Variants in BACH2 observed in about 807,000 individuals in gnomAD.
The protein encoded by BACH2 is BACH transcriptional regulator 2, also known as transcription regulator protein BACH2.
Under a neutral mutation model 61.8 loss-of-function variants are expected in BACH2, and 5 were observed. That is an observed-to-expected ratio of 0.08 (90% CI 0.04 to 0.17). BACH2 has a LOEUF of 0.17. BACH2 is among the 10% of genes least tolerant of loss of function. The pLI is 1.00. For synonymous variants in BACH2, 446 were observed against 440.1 expected, an observed-to-expected ratio of 1.01 and a Z score of -0.17; for missense variants, 824 against 1,091.1, an observed-to-expected ratio of 0.76 and a Z score of 3.45.
intron 4 of BACH2, among the ~76,000 whole-genome samples, chr6:90,122,658 G>A (rs556495602): frequency 2.0e-5 from 3 of 152,302 alleles, no homozygotes; most frequent in African/African-American, 7.2e-5. Context: ...TGCATCCCAG[G>A]AGAGCCTGGG....
chr6:90,276,966 C>T lies in BACH2; in HGVS notation c.-445-5025G>A, dbSNP rs548286753. Among the ~76,000 whole-genome samples, 23 of 152,208 alleles carry T rather than the reference C, an allele frequency of 1.5e-4. No homozygotes were observed. The East Asian group carries it at 2.9e-3, about 19-fold the overall frequency. The stretch of plus-strand genomic sequence containing the variant: ...TCATCCTCCCTTGAAAAAATGTGTT[C>T]GGGCATTAAAATTCCTCTACCTTGG... On this transcript the variant is annotated intron_variant, in intron 1 of 8. Transcript: ENST00000257749.
intron 4 of BACH2, among the ~76,000 whole-genome samples, chr6:90,151,944 T>C (rs1374307558): frequency 6.6e-6 from 1 of 152,252 alleles, no homozygotes; most frequent in Admixed American, 6.5e-5. Flanking sequence ...AAAGCCTACA[T>C]TGAATTACTT....
intron 5 of BACH2, among the ~76,000 whole-genome samples, chr6:90,031,498 C>T (rs920909762): frequency 6.6e-5 from 10 of 150,760 alleles, no homozygotes; most frequent in Admixed American, 6.6e-4. Context: ...TAGGCAACTT[C>T]AGCAAAGTCT....
At chr6:90,217,719 A>G (rs1335587133) in intron 3 of BACH2, among the ~76,000 whole-genome samples, 8 of 152,224 alleles carry the variant, frequency 5.3e-5, no homozygotes, top group Non-Finnish European at 8.8e-5. Context: ...AAGGAAAAAA[A>G]GAATTTCATG....
intron 1 of BACH2, among the ~76,000 whole-genome samples, chr6:90,277,911 T>C (rs75320489): frequency 0.015 from 2,225 of 152,306 alleles, 43 homozygotes; most frequent in African/African-American, 0.05. Context: ...ATACTAATAA[T>C]GTACTTATCC....
intron 7 of BACH2, among the ~76,000 whole-genome samples, chr6:89,938,628 T>G (rs1248945082): frequency 6.6e-6 from 1 of 152,242 alleles, no homozygotes; most frequent in East Asian, 1.9e-4. Flanking sequence ...TCATTTTTCA[T>G]TGATGTAGCA....
chr6:90,136,223 T>C (rs544815171), intron 4 of BACH2, among the ~76,000 whole-genome samples: 4 of 152,346 alleles, frequency 2.6e-5, no homozygotes, highest in South Asian at 4.2e-4. Context: ...ACCTACATAA[T>C]TGACTTTCTT....
intron 8 of BACH2, among the ~76,000 whole-genome samples, chr6:89,937,093 C>G (rs535698472): frequency 6.6e-6 from 1 of 152,052 alleles, no homozygotes; most frequent in South Asian, 2.1e-4. Context: ...GCACATAGCT[C>G]TGAGTATGGG....
intron 7 of BACH2, among the ~76,000 whole-genome samples, chr6:89,945,432 G>C (rs559581906): frequency 6.6e-6 from 1 of 152,320 alleles, no homozygotes; most frequent in East Asian, 1.9e-4. Flanking sequence ...TTATGCTAAA[G>C]TGAAAGGAGC....
chr6:89,990,249 T>A (rs963202740), intron 6 of BACH2, among the ~76,000 whole-genome samples: 3 of 152,236 alleles, frequency 2.0e-5, no homozygotes, highest in Non-Finnish European at 2.9e-5. Context: ...AACATTTTCA[T>A]TGGAGCTGAT....
chr6:90,003,853 G>A (rs151327915), intron 6 of BACH2, among the ~76,000 whole-genome samples: 81 of 152,334 alleles, frequency 5.3e-4, no homozygotes, highest in African/African-American at 1.7e-3. Context: ...TCTGGGCTAA[G>A]TGAGTGTTTT....
chr6:89,999,072 T>C (rs367783036), intron 6 of BACH2, among the ~76,000 whole-genome samples: 1 of 152,238 alleles, frequency 6.6e-6, no homozygotes, highest in African/African-American at 2.4e-5. Context: ...TATTTTGGTG[T>C]GGAAACTGTG....
At chr6:90,295,475 G>T (rs2127896228) in intron 1 of BACH2, among the ~76,000 whole-genome samples, 1 of 152,172 alleles carries the variant, frequency 6.6e-6, no homozygotes, top group East Asian at 1.9e-4. Context: ...GGCACCTAGG[G>T]TAGCCCGTGA....
chr6:90,081,956 A>G (rs1026624987), intron 5 of BACH2, among the ~76,000 whole-genome samples: 4 of 152,178 alleles, frequency 2.6e-5, no homozygotes, highest in African/African-American at 9.6e-5. Context: ...CAACTCAAGG[A>G]GCTATAAAAT....
intron 3 of BACH2, among the ~76,000 whole-genome samples, chr6:90,217,583 A>G (rs1769582673): frequency 6.6e-6 from 1 of 152,152 alleles, no homozygotes; most frequent in Non-Finnish European, 1.5e-5. Flanking sequence ...GCATATTTTC[A>G]TTACATTTGT....
chr6:90,277,128 AC>A (rs1237796465), intron 1 of BACH2, among the ~76,000 whole-genome samples: 1 of 152,202 alleles, frequency 6.6e-6, no homozygotes, highest in African/African-American at 2.4e-5. Flanking sequence ...TTTAAAAATT[AC>A]ACTGCTTTCC....
chr6:90,042,337 T>A (rs1779576007), intron 5 of BACH2, among the ~76,000 whole-genome samples: 1 of 151,722 alleles, frequency 6.6e-6, no homozygotes, highest in Admixed American at 6.6e-5. Flanking sequence ...GGACTATGGG[T>A]ACGGGACACT....
At chr6:89,962,583 T>G (rs1774809327) in intron 6 of BACH2, among the ~76,000 whole-genome samples, 1 of 152,224 alleles carries the variant, frequency 6.6e-6, no homozygotes, top group South Asian at 2.1e-4. Flanking sequence ...AAACTCTGAA[T>G]GAAACACAAC....
At chr6:90,295,817 C>T (rs1219413206) in intron 1 of BACH2, among the ~76,000 whole-genome samples, 5 of 152,144 alleles carry the variant, frequency 3.3e-5, no homozygotes, top group African/African-American at 1.2e-4. Flanking sequence ...GAGATTCGAT[C>T]CAGGTCTGCG....
Sources: gnomAD v4.1 joint callset for allele counts (sites outside exome capture counted in the v4.1 genomes callset) on GRCh38, gnomAD v4.1.1 for gene constraint, MANE v1.5 for transcripts, NCBI Gene and HGNC (gene_info 2026-07-23, HGNC 2026-07-21) for gene names.